The following SLC12A8 variants were observed in gnomAD, a reference collection of about 807,000 sequenced individuals.
SLC12A8 encodes the protein cation-chloride cotransporter 9.
A neutral mutation model predicts 75.6 loss-of-function variants in SLC12A8; 69 were observed. The observed-to-expected ratio is 0.91, with a 90% CI of 0.75 to 1.11. SLC12A8 has a LOEUF of 1.11. Ranked by LOEUF, SLC12A8 falls within the 50% of genes most tolerant of loss-of-function variation. SLC12A8 has a pLI of 0.00. For missense variants in SLC12A8, 877 were observed against 896.7 expected (o/e 0.98, Z 0.28); for synonymous variants, 365 against 372.8 (o/e 0.98, Z 0.24).
chr3:125,166,945 C>T (rs1010696412), intron 5 of SLC12A8, among the ~76,000 whole-genome samples: 3 of 152,156 alleles, frequency 2.0e-5, no homozygotes, highest in Non-Finnish European at 2.9e-5. Context: ...GATGAGCCTC[C>T]GGACAGTGGT....
Position 125,195,731 on chromosome 3 carries a change from G to A in SLC12A8, c.52-5210C>T, listed in dbSNP as rs771676771. Among the ~76,000 whole-genome samples the A allele has an allele frequency of 7.2e-5, 11 of 152,150 alleles. No homozygotes were observed. In the East Asian group the frequency reaches 9.6e-4, roughly 13 times the overall value. ...CAGAGGCTGTGAAAACTTTGATGCCGAAGTTCTGCCTCCCAGGACCACACA... is the reference window on the plus strand; with the variant it reads ...CAGAGGCTGTGAAAACTTTGATGCCAAAGTTCTGCCTCCCAGGACCACACA... On this transcript the variant is annotated intron_variant, in intron 2 of 13. Coordinates refer to ENST00000469902, the MANE Select transcript of SLC12A8 (RefSeq NM_024628.6).
intron 5 of SLC12A8, among the ~76,000 whole-genome samples, chr3:125,137,943 A>G (rs987896082): frequency 6.8e-6 from 1 of 146,916 alleles, no homozygotes; most frequent in Non-Finnish European, 1.5e-5. Flanking sequence ...TCACGCTCAC[A>G]CTCACGCTCA....
intron 3 of SLC12A8, 64 bp from the exon 4 acceptor site, chr3:125,187,492 G>T: frequency 6.7e-7 from 1 of 1,496,786 alleles, no homozygotes; most frequent in South Asian, 1.2e-5. Flanking sequence ...CTCCCTGCTG[G>T]GGGCATTGAC....
At chr3:125,088,101 C>A in intron 13 of SLC12A8, 1 of 578,184 alleles carries the variant, frequency 1.7e-6, no homozygotes, top group Admixed American at 3.0e-5. Flanking sequence ...GGACATGAGC[C>A]TAGAGGAAGC....
chr3:125,194,936 G>C (rs760039005), intron 2 of SLC12A8, among the ~76,000 whole-genome samples: 6 of 152,236 alleles, frequency 3.9e-5, no homozygotes, highest in Admixed American at 6.5e-5. Flanking sequence ...CCCTGCCTCT[G>C]AACCGGCCCC....
intron 2 of SLC12A8, among the ~76,000 whole-genome samples, chr3:125,208,811 G>GAGAGAGAGAA (rs1553797738): frequency 6.4e-5 from 9 of 141,458 alleles, no homozygotes; most frequent in South Asian, 2.3e-4. Context: ...GAGAGAGAGA[G>GAGAGAGAGAA]AGAGAGAGAG....
intron 5 of SLC12A8, among the ~76,000 whole-genome samples, chr3:125,164,166 G>A (rs1323574704): frequency 6.6e-6 from 1 of 152,214 alleles, no homozygotes; most frequent in Non-Finnish European, 1.5e-5. Flanking sequence ...AAGGAGAAAG[G>A]AAGCAGTAAG....
In SLC12A8 at chr3:125,118,761, T is replaced by C; in HGVS notation, c.912+8A>G. 2 of 1,609,682 alleles carry C rather than the reference T, an allele frequency of 1.2e-6. No individual in the cohort carries two copies. The highest frequency in any genetic ancestry group is 1.7e-6 in the Non-Finnish European group (2 of 1,176,516). On this transcript the variant is annotated splice_region_variant and intron_variant, in intron 8 of 13. Coordinates refer to ENST00000469902, the MANE Select transcript of SLC12A8 (RefSeq NM_024628.6). ...CTGAGCCCTTGGAGTAGCGCAGGCC[T>C]CACTCACCTTTTCCGCTATCAGGAA...
intron 5 of SLC12A8, among the ~76,000 whole-genome samples, chr3:125,164,978 G>A (rs1044005048): frequency 1.3e-5 from 2 of 152,198 alleles, no homozygotes; most frequent in Non-Finnish European, 2.9e-5. Context: ...CACTTAAACC[G>A]CTCATCAGCT....
At chr3:125,208,275 G>A (rs983018193) in intron 2 of SLC12A8, among the ~76,000 whole-genome samples, 1 of 152,158 alleles carries the variant, frequency 6.6e-6, no homozygotes, top group African/African-American at 2.4e-5. Flanking sequence ...CAGGTTGTCT[G>A]GAACAATGTC....
intron 5 of SLC12A8, among the ~76,000 whole-genome samples, chr3:125,141,507 C>CTCT (rs1327464788): frequency 6.6e-6 from 1 of 152,250 alleles, no homozygotes; most frequent in African/African-American, 2.4e-5. Flanking sequence ...CTGCTAGGGG[C>CTCT]TCTGGGTGGC....
Position 125,107,762 on chromosome 3 carries a change from C to G in SLC12A8, c.1424G>C (p.Ser475Thr), listed in dbSNP as rs776892915. 1 of 1,614,038 alleles carries G rather than the reference C, an allele frequency of 6.2e-7. No homozygotes were observed. Among genetic ancestry groups the G allele is most frequent in the Non-Finnish European group, 8.5e-7 (1 of 1,180,032 alleles). Residue 475 changes from serine (S) to threonine (T), a missense_variant, in exon 10 of 14, where the codon AGC becomes ACC. Transcript: ENST00000469902. ...GTTACCCTCTCCTTGCCTGGGCTGGCTACTCTCAAGCTTCCTGGTTAGCTG... is the reference window on the plus strand; with the variant it reads ...GTTACCCTCTCCTTGCCTGGGCTGGGTACTCTCAAGCTTCCTGGTTAGCTG... ...LLQLTRKLES[S>T]QPRQGEGNRT... is the part of the protein sequence containing the mutation.
intron 3 of SLC12A8, 56 bp downstream of exon 3, chr3:125,190,319 A>C: frequency 6.3e-7 from 1 of 1,594,686 alleles, no homozygotes; most frequent in Non-Finnish European, 8.6e-7. Flanking sequence ...CAAGAGTGGC[A>C]GAGCTTTCCT....
intron 5 of SLC12A8, among the ~76,000 whole-genome samples, chr3:125,167,166 T>G (rs1560073917): frequency 6.6e-6 from 1 of 151,970 alleles, no homozygotes; most frequent in Non-Finnish European, 1.5e-5. Context: ...TTTTTTTTTT[T>G]GGAGACAGAG....
chr3:125,196,926 TCAAA>T (rs1935019048), intron 2 of SLC12A8, among the ~76,000 whole-genome samples: 1 of 152,106 alleles, frequency 6.6e-6, no homozygotes, highest in South Asian at 2.1e-4. Context: ...AGACCTTGTC[TCAAA>T]CAAACAAAAA....
intron 2 of SLC12A8, among the ~76,000 whole-genome samples, chr3:125,207,404 C>A (rs1007059339): frequency 6.6e-6 from 1 of 152,158 alleles, no homozygotes; most frequent in Non-Finnish European, 1.5e-5. Context: ...ACCCTCCAAC[C>A]CTGAGAGAAG....
chr3:125,164,642 G>T (rs1438776826), intron 5 of SLC12A8, among the ~76,000 whole-genome samples: 1 of 152,234 alleles, frequency 6.6e-6, no homozygotes, highest in Non-Finnish European at 1.5e-5. Flanking sequence ...TTGTCTCCAG[G>T]GTCTTGCCGG....
chr3:125,100,864 T>C (rs1182399102), intron 10 of SLC12A8, among the ~76,000 whole-genome samples: 1 of 147,638 alleles, frequency 6.8e-6, no homozygotes, highest in Non-Finnish European at 1.5e-5. Flanking sequence ...ATACAAAAAA[T>C]TAGCCGGGCG....
chr3:125,144,234 T>C (rs1223772259), intron 5 of SLC12A8, among the ~76,000 whole-genome samples: 1 of 152,190 alleles, frequency 6.6e-6, no homozygotes, highest in Non-Finnish European at 1.5e-5. Context: ...TCATTCCAAG[T>C]GCTTTACCGT....
Sources: allele counts gnomAD v4.1 joint callset (sites outside exome capture counted in the v4.1 genomes callset), GRCh38; gene constraint gnomAD v4.1.1; transcripts MANE v1.5; gene names NCBI Gene and HGNC (gene_info 2026-07-23, HGNC 2026-07-21).